The following SHISA6 variants were observed in gnomAD, a reference collection of about 807,000 sequenced individuals.
SHISA6 encodes protein shisa-6.
A neutral mutation model predicts 47.9 loss-of-function variants in SHISA6; 22 were observed. The ratio of observed to expected loss-of-function variants is 0.46; its 90% confidence interval spans 0.33 to 0.66. The LOEUF (loss-of-function observed/expected upper bound fraction) is 0.66, where lower values mean the gene tolerates loss of function less well. Among genes scored for constraint, SHISA6 ranks in the 30% least tolerant of loss-of-function variants. The probability of loss-of-function intolerance (pLI) is 0.02; values close to 1 mark genes in which losing one functional copy is unlikely to be tolerated. For missense variants in SHISA6, 680 were observed against 764.6 expected (o/e 0.89, Z 1.30); for synonymous variants, 388 against 337.8 (o/e 1.15, Z -1.63).
At chr17:11,274,644 G>T (rs1184699371) in intron 2 of SHISA6, among the ~76,000 whole-genome samples, 3 of 152,172 alleles carry the variant, frequency 2.0e-5, no homozygotes, top group Non-Finnish European at 4.4e-5. Context: ...GATGGAGGAG[G>T]AGACGGCATC....
At chr17:11,342,954 C>T (rs1203902093) in intron 2 of SHISA6, among the ~76,000 whole-genome samples, 3 of 152,176 alleles carry the variant, frequency 2.0e-5, no homozygotes, top group Non-Finnish European at 1.5e-5. Context: ...TTGTTCAAGC[C>T]TCTCATTTCA....
intron 2 of SHISA6, among the ~76,000 whole-genome samples, chr17:11,378,329 T>TTGTG (rs60667121): frequency 6.6e-5 from 10 of 150,516 alleles, no homozygotes; most frequent in African/African-American, 1.2e-4. Flanking sequence ...TTTTTCTATC[T>TTGTG]TGTGTGTGTG....
Position 11,277,241 on chromosome 17 carries a change from T to TTCTCTCTC in SHISA6, c.799+13748_799+13755dup, listed in dbSNP as rs139388009. Among the ~76,000 whole-genome samples, 401 of 78,050 alleles carry TTCTCTCTC rather than the reference T, an allele frequency of 5.1e-3. 7 individuals are homozygous for TTCTCTCTC. The highest frequency in any genetic ancestry group is 6.1e-3 in the African/African-American group (104 of 17,124). The allele number at this position is 78,050 out of a possible 152,430, so 51.2% of individuals were successfully genotyped here. On this transcript the variant is annotated intron_variant, in intron 2 of 5. Transcript: ENST00000441885. The stretch of plus-strand genomic sequence containing the variant: ...CTCCCTCCCCATCCCCGGTTTCTCT[T>TTCTCTCTC]TCTCTCTCTCTCTCTCTCTCTCTCT...
intron 3 of SHISA6, among the ~76,000 whole-genome samples, chr17:11,524,421 G>A (rs1277205780): frequency 6.6e-6 from 1 of 151,500 alleles, no homozygotes; most frequent in Non-Finnish European, 1.5e-5. Flanking sequence ...TAAAAACCAA[G>A]GTATTTATCT....
chr17:11,520,633 C>A (rs1308353930), intron 3 of SHISA6, among the ~76,000 whole-genome samples: 1 of 152,102 alleles, frequency 6.6e-6, no homozygotes, highest in Non-Finnish European at 1.5e-5. Flanking sequence ...ACGTCAGGGG[C>A]CTTTGCACAT....
intron 3 of SHISA6, among the ~76,000 whole-genome samples, chr17:11,509,807 G>A (rs2071528410): frequency 6.6e-6 from 1 of 152,214 alleles, no homozygotes; most frequent in Admixed American, 6.5e-5. Context: ...AGGATGAAAA[G>A]AGATGCTCAT....
chr17:11,499,698 T>TGTTGTTG (rs1555540215), intron 3 of SHISA6, among the ~76,000 whole-genome samples: 11 of 146,604 alleles, frequency 7.5e-5, no homozygotes, highest in African/African-American at 2.7e-4. Context: ...TTTTTTTTTT[T>TGTTGTTG]TTGTTGTTGT....
intron 3 of SHISA6, among the ~76,000 whole-genome samples, chr17:11,527,396 T>C (rs746836465): frequency 7.2e-5 from 11 of 152,172 alleles, no homozygotes; most frequent in African/African-American, 2.4e-4. Context: ...AATATAGAAA[T>C]TGGAGTCTAG....
intron 3 of SHISA6, among the ~76,000 whole-genome samples, chr17:11,509,881 G>A (rs562049128): frequency 4.6e-5 from 7 of 152,188 alleles, no homozygotes; most frequent in East Asian, 1.9e-4. Context: ...GAACATCTAT[G>A]GTCTTATTGA....
intron 2 of SHISA6, among the ~76,000 whole-genome samples, chr17:11,296,588 G>A (rs768376256): frequency 2.6e-5 from 4 of 152,134 alleles, no homozygotes; most frequent in African/African-American, 4.8e-5. Context: ...GACATGTTAC[G>A]TAGGAGACAT....
intron 2 of SHISA6, among the ~76,000 whole-genome samples, chr17:11,281,362 T>C (rs1909115402): frequency 6.6e-6 from 1 of 152,062 alleles, no homozygotes; most frequent in Non-Finnish European, 1.5e-5. Context: ...TTATGAGGAG[T>C]GGATATTGGA....
At chr17:11,327,863 CAA>C (rs1267377451) in intron 2 of SHISA6, among the ~76,000 whole-genome samples, 1 of 152,102 alleles carries the variant, frequency 6.6e-6, no homozygotes, top group African/African-American at 2.4e-5. Context: ...AAACTGCTGA[CAA>C]AAGGCAATTT....
chr17:11,466,974 C>A (rs1399557422), intron 3 of SHISA6, among the ~76,000 whole-genome samples: 2 of 152,120 alleles, frequency 1.3e-5, no homozygotes, highest in Non-Finnish European at 2.9e-5. Flanking sequence ...TCATTAAGTG[C>A]CTAAACTGAG....
chr17:11,395,813 C>T (rs1318560139), intron 3 of SHISA6, among the ~76,000 whole-genome samples: 9 of 152,076 alleles, frequency 5.9e-5, no homozygotes, highest in South Asian at 2.1e-4. Flanking sequence ...CCACCGTGCC[C>T]GGCCAGTTTT....
chr17:11,453,098 TC>T (rs1241802210), intron 3 of SHISA6, among the ~76,000 whole-genome samples: 1 of 152,160 alleles, frequency 6.6e-6, no homozygotes, highest in East Asian at 1.9e-4. Flanking sequence ...TTTCAGCCTT[TC>T]CTCCCCTCTT....
intron 3 of SHISA6, among the ~76,000 whole-genome samples, chr17:11,482,942 C>A (rs1916256263): frequency 6.6e-6 from 1 of 151,668 alleles, no homozygotes. Flanking sequence ...GAGGAAAAAA[C>A]AAAACAAAAC....
Position 11,260,212 on chromosome 17 carries a change from C to T in SHISA6, c.639-3154C>T, listed in dbSNP as rs530162080. Among the ~76,000 whole-genome samples the T allele has an allele frequency of 4.6e-5, 7 of 152,160 alleles. No homozygotes were observed. The South Asian group carries it at 8.3e-4, about 18-fold the overall frequency. ...TACTCTCCCCTGCTCACCACACACC[C>T]GAGAAAGCCAAGAAATAGACAGAAG... is the stretch of plus-strand genomic sequence containing the variant. On this transcript the variant is annotated intron_variant, in intron 1 of 5. Transcript: ENST00000441885.
chr17:11,455,623 A>G (rs1026216088), intron 3 of SHISA6, among the ~76,000 whole-genome samples: 1 of 152,130 alleles, frequency 6.6e-6, no homozygotes, highest in Non-Finnish European at 1.5e-5. Context: ...GACCCTTCAC[A>G]CTTTGCTCCC....
At chr17:11,283,751 A>G (rs1290419873) in intron 2 of SHISA6, among the ~76,000 whole-genome samples, 1 of 152,234 alleles carries the variant, frequency 6.6e-6, no homozygotes, top group Non-Finnish European at 1.5e-5. Context: ...AGTAAGGTGC[A>G]GTTTTGGATT....
Sources: gnomAD v4.1 joint callset for allele counts (sites outside exome capture counted in the v4.1 genomes callset) on GRCh38, gnomAD v4.1.1 for gene constraint, MANE v1.5 for transcripts, NCBI Gene and HGNC (gene_info 2026-07-23, HGNC 2026-07-21) for gene names.